The following CTBP2 variants were observed in gnomAD, a reference collection of about 807,000 sequenced individuals.
CTBP2 encodes the protein C-terminal-binding protein 2.
In CTBP2, 30 loss-of-function variants were observed where a neutral mutation model predicts 80.3. The observed-to-expected ratio is 0.37, with a 90% confidence interval of 0.28 to 0.51. The LOEUF (loss-of-function observed/expected upper bound fraction) is 0.51. Among genes scored for constraint, CTBP2 ranks in the 20% least tolerant of loss-of-function variants. The pLI, the probability that CTBP2 is intolerant of heterozygous loss-of-function variation, is 0.93. For synonymous variants in CTBP2, 594 were observed against 587.4 expected (o/e 1.01, Z -0.16); for missense variants, 1,212 against 1,375.3 (o/e 0.88, Z 1.88).
At chr10:125,083,147 C>G (rs1847433687) in intron 2 of CTBP2, among the ~76,000 whole-genome samples, 1 of 152,192 alleles carries the variant, frequency 6.6e-6, no homozygotes, top group South Asian at 2.1e-4. Context: ...ACGTGTTGGA[C>G]TAAATAAAGC....
At chr10:125,028,643 G>A (rs189777456), upstream of CTBP2, among the ~76,000 whole-genome samples, 2 of 152,260 alleles carry the variant, frequency 1.3e-5, no homozygotes, top group Admixed American at 6.5e-5. Flanking sequence ...GGGGGCCGGG[G>A]AGTGCCAGGG....
chr10:125,127,850 G>T (rs1855524722), intron 1 of CTBP2, among the ~76,000 whole-genome samples: 1 of 152,116 alleles, frequency 6.6e-6, no homozygotes, highest in African/African-American at 2.4e-5. Context: ...GAAATTTTTG[G>T]TTGCTGTATT....
At chr10:125,047,317 C>A (rs949773443) in intron 2 of CTBP2, among the ~76,000 whole-genome samples, 1 of 152,014 alleles carries the variant, frequency 6.6e-6, no homozygotes, top group African/African-American at 2.4e-5. Context: ...GATCTGTAGC[C>A]GAGAAGACTG....
At chr10:125,059,933 G>A (rs1263148495) in intron 2 of CTBP2, among the ~76,000 whole-genome samples, 1 of 152,174 alleles carries the variant, frequency 6.6e-6, no homozygotes, top group Non-Finnish European at 1.5e-5. Flanking sequence ...ATGGGGTAAA[G>A]GACAGAAAAG....
chr10:125,101,726 A>G (rs962959100), intron 2 of CTBP2, among the ~76,000 whole-genome samples: 5 of 152,214 alleles, frequency 3.3e-5, no homozygotes, highest in Admixed American at 3.3e-4. Flanking sequence ...GACCACAGGT[A>G]CCGGCTTGGA....
In CTBP2 at chr10:125,002,940, C is replaced by G. The variant is rs753961985; in HGVS notation, c.1978+20G>C. ...AGAGCTCCGGACAACTCCAGGCAGCCAGCGCTGCCTCGCACTCACCGAGCT... is the reference window on the plus strand; with the variant it reads ...AGAGCTCCGGACAACTCCAGGCAGCGAGCGCTGCCTCGCACTCACCGAGCT... On this transcript the variant is annotated intron_variant, in intron 3 of 8. Coordinates refer to ENST00000309035, the MANE Select transcript of CTBP2 (RefSeq NM_022802.3). The G allele has an allele frequency of 3.7e-6, 6 of 1,611,114 alleles. No individual in the cohort carries two copies. In the Admixed American group the frequency reaches 8.3e-5, roughly 22 times the overall value.
rs200426527 is a variant in CTBP2 at position 125,027,458 on chromosome 10, C to T, written c.302G>A (p.Gly101Asp). The T allele has an allele frequency of 1.9e-6, 3 of 1,614,054 alleles. No homozygotes were observed. Among genetic ancestry groups the T allele is most frequent in the Middle Eastern group, 1.6e-4 (1 of 6,084 alleles). The stretch of plus-strand genomic sequence containing the variant: ...CTCCCGTGGCAGCAGGGGGCTGCGA[C>T]CAGACATCACTGCCTGTCTGCTGTC... The change falls in exon 1 of 9, where the codon GGT becomes GAT. Residue 101 changes from glycine (G) to aspartate (D), a missense_variant. By Grantham distance (94) the Gly-to-Asp change is moderately conservative (BLOSUM62 -1). This residue lies in a region of CTBP2 where 848 missense variants were observed against 782.3 expected (regional missense o/e 1.08). Transcript: ENST00000309035.
intron 1 of CTBP2, among the ~76,000 whole-genome samples, chr10:125,130,498 A>G (rs1367438505): frequency 2.0e-5 from 3 of 152,154 alleles, no homozygotes; most frequent in African/African-American, 7.2e-5. Context: ...GCTGCTGTTA[A>G]ATGCTGTGTC....
chr10:125,058,979 C>T (rs551429746), intron 2 of CTBP2, among the ~76,000 whole-genome samples: 1 of 152,296 alleles, frequency 6.6e-6, no homozygotes, highest in South Asian at 2.1e-4. Flanking sequence ...AGCACATCCC[C>T]ACGGTCAGGC....
intron 2 of CTBP2, among the ~76,000 whole-genome samples, chr10:125,078,279 CAAAA>C (rs1214515506): frequency 1.2e-5 from 1 of 80,156 alleles, no homozygotes; most frequent in Non-Finnish European, 2.6e-5. Flanking sequence ...GACTCCGTCT[CAAAA>C]AAAAAAAAAA....
chr10:125,050,075 A>AT (rs1323760173), intron 2 of CTBP2, among the ~76,000 whole-genome samples: 1 of 152,090 alleles, frequency 6.6e-6, no homozygotes, highest in Non-Finnish European at 1.5e-5. Context: ...CTCATCATGC[A>AT]AAGGCTGGCA....
At chr10:125,110,957 A>T (rs936209789) in intron 2 of CTBP2, 33 bp downstream of exon 2, 4 of 152,548 alleles carry the variant, frequency 2.6e-5, no homozygotes, top group Admixed American at 1.3e-4. Context: ...AGAAAACTGA[A>T]CTTTTACCTG....
chr10:124,987,049 A>AGAT lies in CTBP2; in HGVS notation c.*2466_*2468dup, dbSNP rs797010066. 11 of 152,756 alleles carry AGAT rather than the reference A, an allele frequency of 7.2e-5. No homozygotes were observed. The highest frequency in any genetic ancestry group is 2.4e-4 in the African/African-American group (10 of 41,574). The allele number at this position is 152,756 out of a possible 1,614,324, so 9.5% of individuals were successfully genotyped here. On this transcript the variant is annotated 3_prime_UTR_variant, in exon 9 of 9. Transcript: ENST00000309035. The stretch of plus-strand genomic sequence containing the variant: ...ATTCTTCCCTGTGGGAAAGAATTAA[A>AGAT]GATGGTTCCATTTCCTAGGCTACAG...
At chr10:125,032,790 C>G (rs1013409116), upstream of CTBP2, 1 of 154,810 alleles carries the variant, frequency 6.5e-6, no homozygotes, top group Non-Finnish European at 1.5e-5. Context: ...GGAAAAACGA[C>G]AGAGACATGG....
At chr10:125,132,728 T>C (rs1192299563) in intron 1 of CTBP2, among the ~76,000 whole-genome samples, 2 of 152,178 alleles carry the variant, frequency 1.3e-5, no homozygotes, top group African/African-American at 4.8e-5. Flanking sequence ...TCCACTAAAA[T>C]ATGGGTTTTC....
At chr10:125,022,095 G>A (rs548411806) in intron 1 of CTBP2, among the ~76,000 whole-genome samples, 44 of 152,324 alleles carry the variant, frequency 2.9e-4, no homozygotes, top group Admixed American at 1.1e-3. Context: ...GACAGCTCAC[G>A]CACACACTTC....
chr10:125,037,632 C>T (rs1192117723), intron 3 of CTBP2, among the ~76,000 whole-genome samples: 1 of 152,192 alleles, frequency 6.6e-6, no homozygotes, highest in Non-Finnish European at 1.5e-5. Context: ...GATGTAACAA[C>T]TAAACACAAT....
chr10:125,092,919 G>A (rs933661444), intron 2 of CTBP2, among the ~76,000 whole-genome samples: 2 of 152,136 alleles, frequency 1.3e-5, no homozygotes, highest in African/African-American at 4.8e-5. Context: ...TAGAGTGGGG[G>A]GGGGCAGCAC....
upstream of CTBP2, among the ~76,000 whole-genome samples, chr10:125,031,309 C>T (rs11245476): frequency 2.2e-4 from 34 of 151,454 alleles, no homozygotes; most frequent in African/African-American, 7.3e-4. Flanking sequence ...GCCAACATGG[C>T]GAAACCCTGT....
Sources: allele counts gnomAD v4.1 joint callset (sites outside exome capture counted in the v4.1 genomes callset), GRCh38; gene constraint gnomAD v4.1.1; regional missense constraint gnomAD v4.1.1; transcripts MANE v1.5; gene names NCBI Gene and HGNC (gene_info 2026-07-23, HGNC 2026-07-21).